Variants in ENG observed in about 807,000 individuals in gnomAD.
ENG encodes CD105 antigen.
In ENG, 17 loss-of-function variants were observed where a neutral mutation model predicts 71.0. The ratio of observed to expected loss-of-function variants is 0.24; its 90% CI spans 0.16 to 0.36. The LOEUF (loss-of-function observed/expected upper bound fraction) is 0.36, where lower values mean the gene tolerates loss of function less well. Among genes scored for constraint, ENG ranks in the 10% least tolerant of loss-of-function variants. The pLI is 1.00. For missense variants in ENG, 749 were observed against 868.3 expected, an observed-to-expected ratio of 0.86 and a Z score of 1.73; for synonymous variants, 360 against 366.9, an observed-to-expected ratio of 0.98 and a Z score of 0.21.
intron 11 of ENG, 145 bp from the exon 12 acceptor site, chr9:127,818,522 A>G: frequency 6.8e-7 from 1 of 1,479,792 alleles, no homozygotes; most frequent in East Asian, 2.4e-5. Flanking sequence ...TCTGGGGCAG[A>G]GGAGGAGGAC....
At chr9:127,834,201 TA>T (rs1830838082) in intron 2 of ENG, among the ~76,000 whole-genome samples, 1 of 151,416 alleles carries the variant, frequency 6.6e-6, no homozygotes, top group African/African-American at 2.4e-5. Context: ...GCCTCCCAAG[TA>T]GCTGGGACTA....
In ENG at chr9:127,815,512, A is replaced by ACT. The variant is rs1830284028; in HGVS notation, c.*169_*170insAG. The ACT allele has an allele frequency of 2.3e-6, 3 of 1,327,804 alleles. No homozygotes were observed. The highest frequency in any genetic ancestry group is 3.0e-6 in the Non-Finnish European group (3 of 999,652). 82.3% of individuals were successfully genotyped at this position (1,327,804 alleles called of 1,614,324 possible). On this transcript the variant is annotated 3_prime_UTR_variant, in exon 15 of 15. Transcript: ENST00000373203. ...GAGGGACCCCAAGGTGTTCCAAGCC[A>ACT]GTGGCTGCACTGGCAGCAGGCCTCT...
intron 2 of ENG, chr9:127,832,797 G>C (rs1830796885): frequency 6.6e-6 from 1 of 151,892 alleles, no homozygotes; most frequent in African/African-American, 2.4e-5. Context: ...TTGCTCTGTT[G>C]CCAGGCTGGA....
chr9:127,840,300 CA>C (rs1051846249), intron 2 of ENG, among the ~76,000 whole-genome samples: 37 of 152,208 alleles, frequency 2.4e-4, no homozygotes, highest in African/African-American at 8.7e-4. Context: ...CTCACACGTT[CA>C]AGAGTTACTT....
intron 4 of ENG, among the ~76,000 whole-genome samples, chr9:127,826,063 T>A (rs1324981926): frequency 6.6e-6 from 1 of 152,190 alleles, no homozygotes; most frequent in East Asian, 1.9e-4. Flanking sequence ...GGCCTCCGTG[T>A]GTTAACATAA....
rs41337745 is a variant in ENG at position 127,827,031 on chromosome 9, G to C, written c.361-359C>G. On this transcript the variant is annotated intron_variant, in intron 3 of 14. Coordinates refer to ENST00000373203, the MANE Select transcript of ENG (RefSeq NM_001114753.3). ...CTCCCTACACTGTGAGGGTCTACAGGGGGCAACGTCTACCTTGCCCATCCT... is the reference window on the plus strand; with the variant it reads ...CTCCCTACACTGTGAGGGTCTACAGCGGGCAACGTCTACCTTGCCCATCCT... 2.3e-3 allele frequency: 697 copies of C among 308,418 alleles called. 9 individuals are homozygous for C. Among genetic ancestry groups the C allele is most frequent in the African/African-American group, 0.014 (657 of 46,818 alleles). 19.1% of individuals were successfully genotyped at this position (308,418 alleles called of 1,614,324 possible). A position where few individuals can be genotyped will look rare whatever the true frequency, so the allele number is the denominator to read the frequency against.
At chr9:127,831,754 C>T (rs1442128632) in intron 2 of ENG, among the ~76,000 whole-genome samples, 1 of 149,792 alleles carries the variant, frequency 6.7e-6, no homozygotes, top group Non-Finnish European at 1.5e-5. Flanking sequence ...CCCAGTGGCA[C>T]AATCTCAGCT....
Position 127,833,242 on chromosome 9 carries a change from C to T in ENG, c.220-3415G>A, listed in dbSNP as rs1044577603. ...GAGTGCTGAGACTAAGACAGGTAGA[C>T]CAGGCGTGGTGGCTTACGCCTGTAA... On this transcript the variant is annotated intron_variant, in intron 2 of 14. Transcript: ENST00000373203. Among the ~76,000 whole-genome samples the T allele has an allele frequency of 2.6e-5, 4 of 152,126 alleles. 1 individual carries two copies. Among genetic ancestry groups the T allele is most frequent in the Non-Finnish European group, 4.4e-5 (3 of 68,038 alleles).
At chr9:127,847,468 TC>T (rs920752599) in intron 1 of ENG, among the ~76,000 whole-genome samples, 25 of 151,796 alleles carry the variant, frequency 1.6e-4, no homozygotes, top group African/African-American at 3.9e-4. Context: ...CCCCCCCTTT[TC>T]TTTTCTGAGA....
intron 5 of ENG, 77 bp downstream of exon 5, chr9:127,825,618 G>C: frequency 1.5e-6 from 2 of 1,325,336 alleles, no homozygotes; most frequent in South Asian, 1.4e-5. Flanking sequence ...ATAAGGGACC[G>C]GAGAGGGGGC....
Position 127,819,665 on chromosome 9 carries a change from G to A in ENG, c.1273-5C>T, listed in dbSNP as rs779103881. 15 of 1,608,108 alleles carry A rather than the reference G, an allele frequency of 9.3e-6. No homozygotes were observed. Among genetic ancestry groups the A allele is most frequent in the East Asian group, 2.2e-5 (1 of 44,782 alleles). On this transcript the variant is annotated splice_region_variant and splice_polypyrimidine_tract_variant and intron_variant, in intron 9 of 14. Coordinates refer to ENST00000373203, the MANE Select transcript of ENG (RefSeq NM_001114753.3). The stretch of plus-strand genomic sequence containing the variant: ...CGACAGGATATTGACCACCGCCTGC[G>A]GGGATAAAGCCAGGGAGCTGGTCAG...
chr9:127,839,053 G>A (rs1830968970), intron 2 of ENG, among the ~76,000 whole-genome samples: 1 of 152,180 alleles, frequency 6.6e-6, no homozygotes, highest in Non-Finnish European at 1.5e-5. Flanking sequence ...CATGCCGCTA[G>A]GCCTTTGCTG....
intron 10 of ENG, 51 bp downstream of exon 10, chr9:127,819,571 C>A: frequency 6.2e-7 from 1 of 1,611,214 alleles, no homozygotes; most frequent in Non-Finnish European, 8.5e-7. Context: ...AGGCCCCGGC[C>A]CAGCAGCAGC....
intron 2 of ENG, among the ~76,000 whole-genome samples, chr9:127,835,773 T>TG (rs1009441470): frequency 4.0e-5 from 6 of 151,230 alleles, no homozygotes; most frequent in African/African-American, 1.2e-4. Flanking sequence ...ATAAAGGAAG[T>TG]GAAAAAAAAG....
At chr9:127,823,408 A>C (rs1314928962) in intron 8 of ENG, among the ~76,000 whole-genome samples, 1 of 141,032 alleles carries the variant, frequency 7.1e-6, no homozygotes, top group Admixed American at 7.3e-5. Context: ...TTTTTCTTTG[A>C]GATGGAGTCT....
chr9:127,842,979 G>A (rs1405993209), intron 2 of ENG, 115 bp downstream of exon 2: 26 of 1,496,372 alleles, frequency 1.7e-5, no homozygotes, highest in South Asian at 4.5e-5. Flanking sequence ...TTGGCAGGGG[G>A]CCTAACGAGG....
At chr9:127,835,955 G>A (rs941307704) in intron 2 of ENG, among the ~76,000 whole-genome samples, 3 of 152,146 alleles carry the variant, frequency 2.0e-5, no homozygotes, top group African/African-American at 7.2e-5. Flanking sequence ...TAGGAGGTGG[G>A]GGCAAGTGAG....
rs1564460384 is a variant in ENG, at chr9:127,836,409, C to A, written c.220-6582G>T. On this transcript the variant is annotated intron_variant, in intron 2 of 14. Transcript: ENST00000373203. The surrounding 1 kb of genome is among the most constrained non-coding windows in gnomAD (Gnocchi z 4.0). ...GGAAGGGGGGATTTCGGTGAGGAGGCCCTGAGTGCTAGTAGCCACTTATAG... is the reference window on the plus strand; with the variant it reads ...GGAAGGGGGGATTTCGGTGAGGAGGACCTGAGTGCTAGTAGCCACTTATAG... Among the ~76,000 whole-genome samples, 1 of 152,256 alleles carries A rather than the reference C, an allele frequency of 6.6e-6. No homozygotes were observed. Among genetic ancestry groups the A allele is most frequent in the Admixed American group, 6.5e-5 (1 of 15,282 alleles).
intron 1 of ENG, among the ~76,000 whole-genome samples, chr9:127,844,893 A>G (rs1831134201): frequency 6.6e-6 from 1 of 152,160 alleles, no homozygotes; most frequent in African/African-American, 2.4e-5. Flanking sequence ...AGAGTTCCCT[A>G]GCCCCAAGGG....
Sources: allele counts gnomAD v4.1 joint callset (sites outside exome capture counted in the v4.1 genomes callset), GRCh38; gene constraint gnomAD v4.1.1; non-coding constraint Gnocchi (gnomAD v3.1); transcripts MANE v1.5; gene names NCBI Gene and HGNC (gene_info 2026-07-23, HGNC 2026-07-21).